GRHL1: variants seen among roughly 807,000 people sequenced by gnomAD.
GRHL1 encodes the protein grainyhead like transcription factor 1.
In GRHL1, 38 loss-of-function variants were observed where a neutral mutation model predicts 75.7. The observed-to-expected ratio is 0.50, with a 90% CI of 0.39 to 0.66. The LOEUF (loss-of-function observed/expected upper bound fraction) is 0.66, where lower values mean the gene tolerates loss of function less well. Among genes scored for constraint, GRHL1 ranks in the 30% least tolerant of loss-of-function variants. The probability of loss-of-function intolerance (pLI) is 0.00; values close to 1 mark genes in which losing one functional copy is unlikely to be tolerated. For synonymous variants in GRHL1, 266 were observed against 279.4 expected (o/e 0.95, Z 0.48); for missense variants, 589 against 767.5 (o/e 0.77, Z 2.75).
At position 9,967,669 on chromosome 2, in the gene GRHL1, A is replaced by G. The variant is rs900944597; in HGVS notation, c.1110+2288A>G. On this transcript the variant is annotated intron_variant, in intron 8 of 15. Transcript: ENST00000324907. ...GGCAGCAACTTCAAGCATGTGTTCTAATTAAGTATCGAGGTTTTTTGCTTT... is the reference window on the plus strand; with the variant it reads ...GGCAGCAACTTCAAGCATGTGTTCTGATTAAGTATCGAGGTTTTTTGCTTT... Among the ~76,000 whole-genome samples, 9 of 152,164 alleles carry G rather than the reference A, an allele frequency of 5.9e-5. 1 individual carries two copies. The highest frequency in any genetic ancestry group is 1.2e-4 in the African/African-American group (5 of 41,434).
intron 8 of GRHL1, among the ~76,000 whole-genome samples, chr2:9,981,723 ATACT>A (rs1347925252): frequency 1.3e-5 from 2 of 152,378 alleles, no homozygotes; most frequent in South Asian, 2.1e-4. Flanking sequence ...ATTCTTAGCT[ATACT>A]TACTTACTAC....
intron 11 of GRHL1, 43 bp from the exon 12 acceptor site, chr2:9,993,164 T>G: frequency 7.0e-7 from 1 of 1,424,894 alleles, no homozygotes; most frequent in Non-Finnish European, 9.9e-7. Context: ...GGCCAAACAT[T>G]TTGAGCATAC....
At chr2:9,995,001 C>T (rs1668792967) in intron 12 of GRHL1, among the ~76,000 whole-genome samples, 1 of 152,180 alleles carries the variant, frequency 6.6e-6, no homozygotes, top group Admixed American at 6.5e-5. Flanking sequence ...TGACCACACA[C>T]TTTGGGTACC....
chr2:9,980,950 G>C (rs1668171475), intron 8 of GRHL1, among the ~76,000 whole-genome samples: 1 of 152,204 alleles, frequency 6.6e-6, no homozygotes, highest in South Asian at 2.1e-4. Flanking sequence ...TGCAGGATAG[G>C]AATGGTCCGA....
intron 7 of GRHL1, chr2:9,964,585 G>C: frequency 2.5e-6 from 1 of 399,752 alleles, no homozygotes; most frequent in Non-Finnish European, 4.5e-6. Context: ...AGGGCCAGAA[G>C]CCATGTAGCT....
In GRHL1 at chr2:9,995,949, C is replaced by T; in HGVS notation, c.1570C>T (p.Arg524Trp). The part of the protein sequence containing the change: ...FAVPPSTKLA[R>W]IEEPKRVLLY... ...TGTCCCTCCTTCTACCAAGCTGGCC[C>T]GGATAGAAGAACCAAAGAGAGGTGT... Residue 524 changes from arginine to tryptophan, a missense_variant, in exon 13 of 16, where the codon CGG (arginine) becomes TGG (tryptophan). Arg to Trp is a moderately radical substitution (Grantham distance 101). Transcript: ENST00000324907. 2.5e-6 allele frequency: 4 copies of T among 1,607,032 alleles called. No individual in the cohort carries two copies. The highest frequency in any genetic ancestry group is 3.4e-6 in the Non-Finnish European group (4 of 1,173,474).
chr2:9,992,118 A>C lies in GRHL1; in HGVS notation c.1433A>C (p.His478Pro). Reference sequence around the variant, plus strand: ...CCTGTCCTCTTCATTCCTGACGTGCACTTTGCCAACTTGCAGCGGGGCACT... The same window carrying C: ...CCTGTCCTCTTCATTCCTGACGTGCCCTTTGCCAACTTGCAGCGGGGCACT... ...TQPVLFIPDV[H>P]FANLQRGTHV... is the part of the protein sequence containing the mutation. Residue 478 changes from histidine to proline, a missense_variant, in exon 11 of 16, where the codon CAC (histidine) becomes CCC (proline). His to Pro is a moderately conservative substitution (Grantham distance 77, BLOSUM62 -2). Around this residue, in one of 5 missense-constraint regions of GRHL1, gnomAD observed 192 missense variants for 226.6 expected, o/e 0.85. Coordinates refer to ENST00000324907, the MANE Select transcript of GRHL1 (RefSeq NM_198182.3). This position sits in a 1 kb window ranked among gnomAD's most constrained non-coding sequence, Gnocchi z 4.6. 2 of 1,613,326 alleles carry C rather than the reference A, an allele frequency of 1.2e-6. No individual in the cohort carries two copies. Among genetic ancestry groups the C allele is most frequent in the Non-Finnish European group, 8.5e-7 (1 of 1,179,760 alleles).
Position 9,990,593 on chromosome 2 carries a change from G to C in GRHL1, c.1270-103G>C, listed in dbSNP as rs1410610648. 2 of 594,262 alleles carry C rather than the reference G, an allele frequency of 3.4e-6. No homozygotes were observed. The allele number at this position is 594,262 out of a possible 1,614,324, so 36.8% of individuals were successfully genotyped here. On this transcript the variant is annotated intron_variant, in intron 9 of 15. Transcript: ENST00000324907. The surrounding 1 kb of genome is among the most constrained non-coding windows in gnomAD (Gnocchi z 4.2). ...TAGTAAGTAATGGGGTTCCTGTCCA[G>C]AGAAGGGAGAAAGGCTTCTTCTTCC...
At position 9,998,784 on chromosome 2, in the gene GRHL1, A is replaced by G. The variant is rs536302006; in HGVS notation, c.1678-181A>G. Among the ~76,000 whole-genome samples the G allele has an allele frequency of 5.0e-4, 18 of 36,200 alleles. 4 individuals are homozygous for G. The highest frequency in any genetic ancestry group is 3.9e-3 in the East Asian group (6 of 1,548). The allele number at this position is 36,200 out of a possible 152,430, so 23.7% of individuals were successfully genotyped here. The stretch of plus-strand genomic sequence containing the variant: ...TATATATGTACACACATATATACGT[A>G]TATATATGTACACACATATATATAC... On this transcript the variant is annotated intron_variant, in intron 14 of 15. Transcript: ENST00000324907.
At chr2:9,959,343 A>G (rs1667168473) in intron 3 of GRHL1, 1 of 152,464 alleles carries the variant, frequency 6.6e-6, no homozygotes. Context: ...AAAACTTTAA[A>G]AAGACACCTT....
intron 14 of GRHL1, among the ~76,000 whole-genome samples, chr2:9,997,810 C>T (rs1668936569): frequency 1.4e-5 from 2 of 147,036 alleles, no homozygotes; most frequent in African/African-American, 2.5e-5. Context: ...CATAGCAAGA[C>T]TCCGTCTCAA....
intron 7 of GRHL1, chr2:9,964,603 C>A (rs1667411095): frequency 8.0e-6 from 3 of 373,936 alleles, no homozygotes; most frequent in African/African-American, 6.2e-5. Flanking sequence ...GCTGGCTAAC[C>A]TGAGAATGTC....
intron 12 of GRHL1, among the ~76,000 whole-genome samples, 162 bp from the exon 13 acceptor site, chr2:9,995,717 G>T (rs1038712514): frequency 6.6e-6 from 1 of 152,196 alleles, no homozygotes; most frequent in Middle Eastern, 3.2e-3. Context: ...CTGGAGTCAG[G>T]ATCTTCCTTT....
At position 9,956,380 on chromosome 2, in the gene GRHL1, C is replaced by T. The variant is rs180957412; in HGVS notation, c.207+1279C>T. 4.2e-3 allele frequency among the ~76,000 whole-genome samples: 641 copies of T among 152,104 alleles called. 6 individuals carry two copies. Among genetic ancestry groups the T allele is most frequent in the African/African-American group, 0.015 (608 of 41,510 alleles). On this transcript the variant is annotated intron_variant, in intron 2 of 15. Transcript: ENST00000324907. ...TAAATAAAAAAATACAGAAATTAGCCGGTTAGTACACATGCCTATAGTCTC... is the reference window on the plus strand; with the variant it reads ...TAAATAAAAAAATACAGAAATTAGCTGGTTAGTACACATGCCTATAGTCTC...
chr2:9,989,634 T>C (rs116508649), intron 9 of GRHL1, among the ~76,000 whole-genome samples: 3,997 of 151,786 alleles, frequency 0.026, 173 homozygotes, highest in African/African-American at 0.091. Context: ...CCGCAATCTC[T>C]ACCTCCCAGG....
chr2:9,967,256 G>C (rs1476840847), intron 8 of GRHL1, among the ~76,000 whole-genome samples: 3 of 152,242 alleles, frequency 2.0e-5, no homozygotes, highest in African/African-American at 4.8e-5. Context: ...CGAGGTTAGA[G>C]TGGCCAGCTC....
chr2:9,972,766 A>G (rs557160309), intron 8 of GRHL1, among the ~76,000 whole-genome samples: 20 of 152,342 alleles, frequency 1.3e-4, no homozygotes, highest in Admixed American at 1.2e-3. Context: ...TGTTTGGAAC[A>G]ACAGGTGCCA....
chr2:9,996,081 A>G, intron 13 of GRHL1, 111 bp downstream of exon 13: 2 of 804,978 alleles, frequency 2.5e-6, no homozygotes, highest in South Asian at 1.5e-5. Flanking sequence ...TTGCTTGGGA[A>G]TTCTTCCATC....
At chr2:9,957,430 TAC>T (rs1453939583) in intron 2 of GRHL1, among the ~76,000 whole-genome samples, 2 of 149,762 alleles carry the variant, frequency 1.3e-5, no homozygotes, top group African/African-American at 2.5e-5. Context: ...TTTTTTTTGA[TAC>T]AGAGTCTCGC....
Sources: allele counts gnomAD v4.1 joint callset (sites outside exome capture counted in the v4.1 genomes callset), GRCh38; gene constraint gnomAD v4.1.1; regional missense constraint gnomAD v4.1.1; non-coding constraint Gnocchi (gnomAD v3.1); transcripts MANE v1.5; gene names NCBI Gene and HGNC (gene_info 2026-07-23, HGNC 2026-07-21).